TNKS: variants seen among roughly 807,000 people sequenced by gnomAD.
TNKS encodes poly [ADP-ribose] polymerase tankyrase-1.
A neutral mutation model predicts 135.8 loss-of-function variants in TNKS; 72 were observed. That is an observed-to-expected ratio of 0.53 (90% CI 0.44 to 0.64). TNKS has a LOEUF of 0.64. Ranked by LOEUF, TNKS falls within the 30% of genes least tolerant of loss-of-function variation. TNKS has a pLI of 0.00. For synonymous variants in TNKS, 849 were observed against 649.3 expected (o/e 1.31, Z -4.68); for missense variants, 1,769 against 1,674.0 (o/e 1.06, Z -0.99).
chr8:9,763,030 G>A, intron 21 of TNKS, 117 bp from the exon 22 acceptor site: 1 of 445,518 alleles, frequency 2.2e-6, no homozygotes, highest in African/African-American at 2.1e-5. Flanking sequence ...AGATAGTTTA[G>A]GTTTGTTCCA....
intron 2 of TNKS, among the ~76,000 whole-genome samples, chr8:9,584,164 T>TAAA (rs34977301): frequency 1.7e-5 from 2 of 114,456 alleles, no homozygotes; most frequent in South Asian, 3.0e-4. Flanking sequence ...ACTCTGTCTT[T>TAAA]AAAAAAAAAA....
intron 1 of TNKS, among the ~76,000 whole-genome samples, chr8:9,562,068 C>G (rs1444582736): frequency 6.6e-6 from 1 of 152,158 alleles, no homozygotes; most frequent in East Asian, 1.9e-4. Flanking sequence ...CCATCCACCT[C>G]AGTCTCCCAA....
At chr8:9,623,058 C>G (rs917158076) in intron 3 of TNKS, among the ~76,000 whole-genome samples, 3 of 152,166 alleles carry the variant, frequency 2.0e-5, no homozygotes, top group East Asian at 1.9e-4. Flanking sequence ...AATGTGGTCT[C>G]TCTCTGTGTC....
rs369426205 is a variant in TNKS, at chr8:9,556,182, G to T, written c.243G>T (p.Pro81=). The T allele has an allele frequency of 2.6e-5, 42 of 1,612,798 alleles. No homozygotes were observed. In the African/African-American group the frequency reaches 2.9e-4, roughly 11 times the overall value. The change falls in exon 1 of 27, where the codon CCG becomes CCT. Residue 81 remains proline (P), a synonymous_variant. Transcript: ENST00000310430. ...ATCCGCCCGACAGGCCCCGATCCCC[G>T]GACCCGGTTGACGGTACCAGCTGTT... ...SRDPPDRPRS[P]DPVDGTSCCS...
intron 3 of TNKS, chr8:9,671,009 A>G (rs1162642236): frequency 1.3e-5 from 2 of 152,158 alleles, no homozygotes; most frequent in Non-Finnish European, 2.9e-5. Context: ...GAGTTAAAAG[A>G]TGTGCAAATT....
intron 2 of TNKS, among the ~76,000 whole-genome samples, chr8:9,601,920 A>G (rs538843508): frequency 1.3e-5 from 2 of 152,180 alleles, no homozygotes; most frequent in African/African-American, 4.8e-5. Flanking sequence ...CCAATATATA[A>G]AAGCGTTCAG....
At chr8:9,653,399 A>T (rs1308448871) in intron 3 of TNKS, among the ~76,000 whole-genome samples, 1 of 152,010 alleles carries the variant, frequency 6.6e-6, no homozygotes. Flanking sequence ...TGGGTAATTT[A>T]TAAGGGAGAG....
intron 26 of TNKS, 42 bp downstream of exon 26, chr8:9,770,304 T>C (rs774766300): frequency 6.3e-6 from 10 of 1,578,900 alleles, no homozygotes; most frequent in Non-Finnish European, 8.7e-6. Context: ...TTCACAAACA[T>C]GTCAATAGAG....
At chr8:9,754,718 G>C (rs1401260514) in intron 20 of TNKS, among the ~76,000 whole-genome samples, 1 of 152,124 alleles carries the variant, frequency 6.6e-6, no homozygotes. Flanking sequence ...AATGTTCAGA[G>C]AGTTAAAATC....
At chr8:9,617,113 T>A (rs975896097) in intron 3 of TNKS, among the ~76,000 whole-genome samples, 1 of 152,230 alleles carries the variant, frequency 6.6e-6, no homozygotes. Flanking sequence ...CGCTTTTAGA[T>A]CTACTTTCAC....
chr8:9,585,900 C>T (rs544104623), intron 2 of TNKS, among the ~76,000 whole-genome samples: 9 of 152,032 alleles, frequency 5.9e-5, no homozygotes, highest in South Asian at 2.1e-4. Context: ...AATGGCATTA[C>T]GTAATAGTGG....
At chr8:9,652,067 A>G (rs1801167146) in intron 3 of TNKS, among the ~76,000 whole-genome samples, 1 of 152,218 alleles carries the variant, frequency 6.6e-6, no homozygotes, top group Non-Finnish European at 1.5e-5. Context: ...TATTAAATAT[A>G]GAAACAAATC....
intron 5 of TNKS, among the ~76,000 whole-genome samples, chr8:9,682,021 A>C (rs1321128703): frequency 6.6e-6 from 1 of 152,126 alleles, no homozygotes; most frequent in Non-Finnish European, 1.5e-5. Context: ...CAGCACTATT[A>C]GTTACTCTTG....
At chr8:9,628,812 C>T (rs1266252472) in intron 3 of TNKS, among the ~76,000 whole-genome samples, 2 of 152,142 alleles carry the variant, frequency 1.3e-5, no homozygotes, top group East Asian at 3.9e-4. Flanking sequence ...ATGTCTCAAC[C>T]TTAACATGGC....
chr8:9,671,717 C>T (rs953234303), intron 3 of TNKS, among the ~76,000 whole-genome samples: 5 of 152,090 alleles, frequency 3.3e-5, no homozygotes, highest in Admixed American at 1.3e-4. Context: ...CCCACAGAAC[C>T]ATCTGAAAAG....
chr8:9,657,278 G>T (rs1353785527), intron 3 of TNKS, among the ~76,000 whole-genome samples: 1 of 105,252 alleles, frequency 9.5e-6, no homozygotes, highest in Non-Finnish European at 2.2e-5. Context: ...TCCCGGACGG[G>T]GCGGCTGGCC....
At chr8:9,576,179 G>A (rs1180396074) in intron 1 of TNKS, among the ~76,000 whole-genome samples, 1 of 152,138 alleles carries the variant, frequency 6.6e-6, no homozygotes, top group Non-Finnish European at 1.5e-5. Context: ...CTTTCTCTTA[G>A]TATATTATTT....
intron 2 of TNKS, among the ~76,000 whole-genome samples, chr8:9,584,393 A>C (rs1187750715): frequency 1.3e-5 from 2 of 152,082 alleles, no homozygotes; most frequent in African/African-American, 4.8e-5. Flanking sequence ...CATTTTGTAA[A>C]TGTAGAATTT....
intron 5 of TNKS, among the ~76,000 whole-genome samples, chr8:9,704,433 C>CT (rs1204557833): frequency 6.6e-6 from 1 of 152,040 alleles, no homozygotes; most frequent in Non-Finnish European, 1.5e-5. Context: ...GGTTTGATTA[C>CT]TGATGGCCTT....
Sources: allele counts gnomAD v4.1 joint callset (sites outside exome capture counted in the v4.1 genomes callset), GRCh38; gene constraint gnomAD v4.1.1; transcripts MANE v1.5; gene names NCBI Gene and HGNC (gene_info 2026-07-23, HGNC 2026-07-21).